The following MEI4 variants were observed in gnomAD, a reference collection of about 807,000 sequenced individuals.
MEI4 encodes meiotic double-stranded break formation protein 4, also known as meiosis-specific protein MEI4.
Under a neutral mutation model 31.4 loss-of-function variants are expected in MEI4, and 27 were observed. That is an observed-to-expected ratio of 0.86 (90% CI 0.63 to 1.19). The LOEUF (loss-of-function observed/expected upper bound fraction) is 1.19. MEI4 is among the 50% of genes most tolerant of loss of function. The probability of loss-of-function intolerance (pLI) is 0.00; values close to 1 mark genes in which losing one functional copy is unlikely to be tolerated. For missense variants in MEI4, 329 were observed against 398.9 expected, an observed-to-expected ratio of 0.82 and a Z score of 1.49; for synonymous variants, 122 against 145.4, an observed-to-expected ratio of 0.84 and a Z score of 1.16.
intron 3 of MEI4, among the ~76,000 whole-genome samples, chr6:77,787,590 G>A (rs1220414039): frequency 6.6e-6 from 1 of 152,098 alleles, no homozygotes; most frequent in Non-Finnish European, 1.5e-5. Flanking sequence ...CTAAAAAGAC[G>A]GGAAGAGGTG....
In MEI4 at chr6:77,924,272, ATAAGT is replaced by A. The variant is rs980970659; in HGVS notation, c.*930_*934del. ...TATTAATGATATGTGATGGTGTTTC[ATAAGT>A]TAATTAGCATTCCTAAATGTCGTTG... On this transcript the variant is annotated 3_prime_UTR_variant, in exon 5 of 5. Transcript: ENST00000684080. The A allele has an allele frequency of 5.3e-5, 8 of 152,024 alleles. No individual in the cohort carries two copies. The highest frequency in any genetic ancestry group is 1.7e-4 in the African/African-American group (7 of 41,538). 9.4% of individuals were successfully genotyped at this position (152,024 alleles called of 1,614,324 possible).
intron 3 of MEI4, among the ~76,000 whole-genome samples, chr6:77,766,002 G>A (rs1338692569): frequency 6.6e-6 from 1 of 152,234 alleles, no homozygotes; most frequent in East Asian, 1.9e-4. Flanking sequence ...GACACAGGAA[G>A]GGGACCATCA....
intron 2 of MEI4, among the ~76,000 whole-genome samples, chr6:77,697,102 C>T (rs28785340): frequency 0.21 from 31,376 of 152,016 alleles, 3,599 homozygotes; most frequent in African/African-American, 0.3. Flanking sequence ...TCTGTGTGAT[C>T]GGTGGTGTTA....
At chr6:77,797,469 C>T (rs1769110487) in intron 3 of MEI4, among the ~76,000 whole-genome samples, 1 of 152,088 alleles carries the variant, frequency 6.6e-6, no homozygotes, top group African/African-American at 2.4e-5. Context: ...GGCAAAGTCC[C>T]ATGGTGGGCC....
At chr6:77,920,342 A>G (rs1360151418) in intron 4 of MEI4, among the ~76,000 whole-genome samples, 1 of 152,058 alleles carries the variant, frequency 6.6e-6, no homozygotes, top group African/African-American at 2.4e-5. Context: ...AGGCTGTTTC[A>G]ATATACGCAA....
chr6:77,734,050 A>G (rs952031616), intron 2 of MEI4, among the ~76,000 whole-genome samples: 2 of 151,782 alleles, frequency 1.3e-5, no homozygotes, highest in African/African-American at 4.9e-5. Context: ...ACTTCCAAGT[A>G]TGTGGTCAGT....
Position 77,748,782 on chromosome 6 carries a change from C to T in MEI4, c.233-12348C>T, listed in dbSNP as rs1197599383. Among the ~76,000 whole-genome samples the T allele has an allele frequency of 2.6e-5, 4 of 152,300 alleles. No homozygotes were observed. The East Asian group carries it at 7.7e-4, about 29-fold the overall frequency. ...CTGTCACCTCTTGAATGCTTTGCTG[C>T]TTTGAAATTTCTTCATATAGATTTT... On this transcript the variant is annotated intron_variant, in intron 2 of 4. Transcript: ENST00000684080.
intron 2 of MEI4, among the ~76,000 whole-genome samples, chr6:77,753,832 CAA>C (rs1212311780): frequency 1.3e-5 from 2 of 152,092 alleles, no homozygotes; most frequent in African/African-American, 4.8e-5. Context: ...TTCACAATAG[CAA>C]AGACTTGGAA....
chr6:77,655,446 C>T (rs907040757), intron 1 of MEI4, among the ~76,000 whole-genome samples: 8 of 152,062 alleles, frequency 5.3e-5, no homozygotes, highest in Admixed American at 2.0e-4. Flanking sequence ...TTTCTTCTTC[C>T]GTTATTTGCA....
At chr6:77,665,702 G>A (rs781392471) in intron 1 of MEI4, among the ~76,000 whole-genome samples, 6 of 152,154 alleles carry the variant, frequency 3.9e-5, no homozygotes, top group Non-Finnish European at 8.8e-5. Context: ...CGGAGTTTTG[G>A]GTCCACAGAT....
intron 2 of MEI4, among the ~76,000 whole-genome samples, chr6:77,731,280 C>A: frequency 6.8e-6 from 1 of 147,332 alleles, no homozygotes; most frequent in East Asian, 2.0e-4. Context: ...CACATCCTCT[C>A]CAGCACCTGT....
intron 4 of MEI4, among the ~76,000 whole-genome samples, chr6:77,919,399 C>G (rs1030896919): frequency 2.6e-5 from 4 of 152,184 alleles, no homozygotes; most frequent in African/African-American, 9.6e-5. Flanking sequence ...TGAATGACTA[C>G]TGGATACATA....
At chr6:77,890,651 A>G (rs902018810) in intron 4 of MEI4, among the ~76,000 whole-genome samples, 9 of 152,040 alleles carry the variant, frequency 5.9e-5, no homozygotes, top group African/African-American at 1.9e-4. Context: ...ACATGAGATT[A>G]TGAGGGGCTG....
intron 4 of MEI4, among the ~76,000 whole-genome samples, chr6:77,885,586 T>C (rs1472714070): frequency 6.6e-6 from 1 of 152,160 alleles, no homozygotes; most frequent in Non-Finnish European, 1.5e-5. Context: ...GTTAGGTTTT[T>C]TTTAAATGTA....
rs549222707 is a variant in MEI4 at position 77,904,309 on chromosome 6, C to T, written c.901-18780C>T. On this transcript the variant is annotated intron_variant, in intron 4 of 4. Coordinates refer to ENST00000684080, the MANE Select transcript of MEI4 (RefSeq NM_001322247.2). ...AACAACGTAGCTTTAATTTTCTTTC[C>T]AACTTTTTTTTGTTTTAGGTTCAGG... Among the ~76,000 whole-genome samples, 9 of 151,974 alleles carry T rather than the reference C, an allele frequency of 5.9e-5. No individual in the cohort carries two copies. In the South Asian group the frequency reaches 1.7e-3, roughly 28 times the overall value.
chr6:77,897,751 C>G (rs1766114028), intron 4 of MEI4, among the ~76,000 whole-genome samples: 1 of 151,878 alleles, frequency 6.6e-6, no homozygotes, highest in South Asian at 2.1e-4. Flanking sequence ...TTAATACTTA[C>G]TGAGTCTTTT....
intron 3 of MEI4, among the ~76,000 whole-genome samples, chr6:77,818,130 A>G (rs1468219019): frequency 1.3e-5 from 2 of 152,108 alleles, no homozygotes; most frequent in Non-Finnish European, 2.9e-5. Context: ...TGTTGTTATC[A>G]TCTACACTAT....
Position 77,918,737 on chromosome 6 carries a change from T to C in MEI4, c.901-4352T>C, listed in dbSNP as rs904623073. Among the ~76,000 whole-genome samples the C allele has an allele frequency of 8.6e-5, 13 of 151,734 alleles. 1 individual carries two copies. Among genetic ancestry groups the C allele is most frequent in the Non-Finnish European group, 2.9e-5 (2 of 67,932 alleles). The stretch of plus-strand genomic sequence containing the variant: ...AAACAGGGACAATTTGACTTCCTCT[T>C]TTCCTAATTGAATACCCTTTATTTC... On this transcript the variant is annotated intron_variant, in intron 4 of 4. Transcript: ENST00000684080.
intron 4 of MEI4, among the ~76,000 whole-genome samples, chr6:77,843,158 T>G (rs1770404633): frequency 6.6e-6 from 1 of 151,384 alleles, no homozygotes. Flanking sequence ...TTAGTTTTAA[T>G]CAAGAAGCAT....
Sources: gnomAD v4.1 joint callset for allele counts (sites outside exome capture counted in the v4.1 genomes callset) on GRCh38, gnomAD v4.1.1 for gene constraint, MANE v1.5 for transcripts, NCBI Gene and HGNC (gene_info 2026-07-23, HGNC 2026-07-21) for gene names.